The following DLEC1 variants were observed in gnomAD, a reference collection of about 807,000 sequenced individuals.
The protein encoded by DLEC1 is DLEC1 cilia and flagella associated protein.
DLEC1 carries 146 observed loss-of-function variants against 198.1 expected under a neutral mutation model. The ratio of observed to expected loss-of-function variants is 0.74; its 90% CI spans 0.64 to 0.85. DLEC1 has a LOEUF of 0.85. Among genes scored for constraint, DLEC1 ranks in the 40% least tolerant of loss-of-function variants. The pLI is 0.00. For missense variants in DLEC1, 2,233 were observed against 2,220.0 expected (o/e 1.01, Z -0.12); for synonymous variants, 897 against 866.8 (o/e 1.03, Z -0.61).
chr3:38,109,882 G>A (rs925643934), intron 22 of DLEC1: 16 of 685,518 alleles, frequency 2.3e-5, no homozygotes, highest in East Asian at 1.9e-4. Context: ...CCAGCATGCC[G>A]CTGGCCAGGG....
intron 14 of DLEC1, 106 bp downstream of exon 14, chr3:38,096,052 C>A (rs1401153491): frequency 6.5e-6 from 9 of 1,377,408 alleles, no homozygotes; most frequent in Non-Finnish European, 8.2e-6. Context: ...GCAGCCTGGT[C>A]CCCGCAGGCT....
At chr3:38,093,881 A>G in intron 12 of DLEC1, 114 bp downstream of exon 12, 1 of 1,350,024 alleles carries the variant, frequency 7.4e-7, no homozygotes, top group Non-Finnish European at 1.0e-6. Context: ...TGGGCACAGA[A>G]TGGATATCCA....
chr3:38,093,513 G>C, intron 11 of DLEC1, 92 bp from the exon 12 acceptor site: 4 of 1,470,990 alleles, frequency 2.7e-6, no homozygotes, highest in Non-Finnish European at 3.7e-6. Flanking sequence ...AAGGCCAGCT[G>C]CATGTGGATG....
In DLEC1 at chr3:38,110,560, G is replaced by A. The variant is rs74739833; in HGVS notation, c.3443+279G>A. 5.9e-3 allele frequency among the ~76,000 whole-genome samples: 898 copies of A among 152,324 alleles called. 10 individuals carry two copies. The highest frequency in any genetic ancestry group is 0.02 in the African/African-American group (819 of 41,554). On this transcript the variant is annotated intron_variant, in intron 23 of 36. Transcript: ENST00000308059. ...TCTGATGGACCAGGCAGATGGGCCT[G>A]TAGTGAGGGAGAGGTTACTGTAGAC...
rs111707322 is a variant in DLEC1 at position 38,119,902 on chromosome 3, C to T, written c.4705-546C>T. ...ACCCCACCTCCAGACATGTGAAGGT[C>T]TGGGTGAGGCGCAAGAATTTATATT... is the stretch of plus-strand genomic sequence containing the variant. On this transcript the variant is annotated intron_variant, in intron 33 of 36. Coordinates refer to ENST00000308059, the MANE Select transcript of DLEC1 (RefSeq NM_007335.4). Among the ~76,000 whole-genome samples the T allele has an allele frequency of 2.6e-3, 392 of 152,308 alleles. 4 individuals are homozygous for T. The highest frequency in any genetic ancestry group is 8.1e-3 in the African/African-American group (335 of 41,552).
At chr3:38,099,708 C>T (rs1469253341) in intron 18 of DLEC1, among the ~76,000 whole-genome samples, 1 of 150,808 alleles carries the variant, frequency 6.6e-6, no homozygotes, top group Non-Finnish European at 1.5e-5. Context: ...CACTTTTCTT[C>T]CTGCTCTTTC....
Position 38,085,393 on chromosome 3 carries a change from GCCCACACA to G in DLEC1, c.1383_1390del (p.His462SerfsTer69). On this transcript the variant is annotated frameshift_variant, in exon 8 of 37. Transcript: ENST00000308059. LOFTEE classifies it high-confidence loss of function. The stretch of plus-strand genomic sequence containing the variant: ...TTTTATTTTAGTGGAGACCCAGTCA[GCCCACACA>G]CTTCTGATCCCCCTGCAGGCCCGGA... 6.2e-7 allele frequency: 1 copy of G among 1,614,110 alleles called. No individual in the cohort carries two copies. The highest frequency in any genetic ancestry group is 8.5e-7 in the Non-Finnish European group (1 of 1,179,994).
chr3:38,090,510 T>C (rs1698688145), intron 10 of DLEC1, among the ~76,000 whole-genome samples: 1 of 152,256 alleles, frequency 6.6e-6, no homozygotes, highest in Admixed American at 6.5e-5. Flanking sequence ...GACCATAATT[T>C]AGTTCAGCAG....
chr3:38,080,039 C>T (rs1697880696), intron 6 of DLEC1, among the ~76,000 whole-genome samples: 1 of 152,160 alleles, frequency 6.6e-6, no homozygotes, highest in South Asian at 2.1e-4. Context: ...TGTAAAGCGT[C>T]TCAGGGTTGC....
rs371045613 is a variant in DLEC1, at chr3:38,116,968, A to G, written c.4180-7A>G. ...GGACAGTGCTAAGGCTGCTGTGTCT[A>G]TGCCAGGTGGTCCCTGCTGGGGGCA... On this transcript the variant is annotated splice_region_variant and splice_polypyrimidine_tract_variant and intron_variant, in intron 29 of 36. Transcript: ENST00000308059. 1.2e-6 allele frequency: 2 copies of G among 1,613,710 alleles called. No homozygotes were observed. The highest frequency in any genetic ancestry group is 1.7e-6 in the Non-Finnish European group (2 of 1,179,918).
rs1474413452 is a variant in DLEC1 at position 38,063,921 on chromosome 3, T to C, written c.1173+2T>C. The C allele has an allele frequency of 4.4e-6, 7 of 1,607,848 alleles. No homozygotes were observed. Among genetic ancestry groups the C allele is most frequent in the South Asian group, 1.1e-5 (1 of 90,608 alleles). ...TATGAAATTGGTCCAGTTTATGAGG[T>C]AGACATCTTGTTTCTTTACAGCTCC... is the stretch of plus-strand genomic sequence containing the variant. On this transcript the variant is annotated splice_donor_variant, in intron 6 of 36. Transcript: ENST00000308059. LOFTEE classifies it high-confidence loss of function.
intron 6 of DLEC1, among the ~76,000 whole-genome samples, chr3:38,074,705 T>C (rs571092432): frequency 6.6e-6 from 1 of 152,264 alleles, no homozygotes; most frequent in Non-Finnish European, 1.5e-5. Context: ...GTTATCAGCA[T>C]GAGATTGGGC....
At chr3:38,080,402 ACAGG>A (rs1365690266) in intron 6 of DLEC1, among the ~76,000 whole-genome samples, 2 of 152,124 alleles carry the variant, frequency 1.3e-5, no homozygotes, top group African/African-American at 4.8e-5. Context: ...GACTGAGGGG[ACAGG>A]CGGGAGGGAA....
chr3:38,061,967 A>G (rs1696710076), intron 3 of DLEC1, among the ~76,000 whole-genome samples: 1 of 152,226 alleles, frequency 6.6e-6, no homozygotes, highest in Admixed American at 6.5e-5. Context: ...GTGAGCCACC[A>G]CACATGGCCA....
intron 19 of DLEC1, among the ~76,000 whole-genome samples, chr3:38,102,563 A>T (rs1440333735): frequency 6.6e-6 from 1 of 152,176 alleles, no homozygotes; most frequent in Non-Finnish European, 1.5e-5. Flanking sequence ...TTGCCTGTCC[A>T]GTCCTGTTTT....
chr3:38,084,389 GGTA>G (rs74704301), intron 7 of DLEC1, 144 bp downstream of exon 7: 135,567 of 518,428 alleles, frequency 0.26, 20,158 homozygotes, highest in East Asian at 0.48. Flanking sequence ...TGGTAGTAGT[GGTA>G]GTAGTAGTAG....
chr3:38,057,168 A>G (rs138895535), intron 2 of DLEC1, among the ~76,000 whole-genome samples: 1 of 152,222 alleles, frequency 6.6e-6, no homozygotes, highest in Non-Finnish European at 1.5e-5. Context: ...ATCATATGCT[A>G]AAAAGCAGTA....
rs2125755935 is a variant in DLEC1 at position 38,121,723 on chromosome 3, C to T, written c.4962C>T (p.Val1654=). The change falls in exon 35 of 37, where the codon GTC becomes GTT. Residue 1654 remains valine, a synonymous_variant. Transcript: ENST00000308059. ...CCTGCTTTGTGAGCCAGCAGCGAGTCCGGGAGGTCTACCTGATGAACCTGA... is the reference window on the plus strand; with the variant it reads ...CCTGCTTTGTGAGCCAGCAGCGAGTTCGGGAGGTCTACCTGATGAACCTGA... ...FGTCFVSQQR[V]REVYLMNLSG... is the part of the protein sequence containing the mutation. 6.2e-7 allele frequency: 1 copy of T among 1,614,070 alleles called. No individual in the cohort carries two copies.
chr3:38,087,213 C>T (rs1648294373), intron 9 of DLEC1, among the ~76,000 whole-genome samples: 1 of 152,218 alleles, frequency 6.6e-6, no homozygotes, highest in Non-Finnish European at 1.5e-5. Flanking sequence ...TGTACCTTGT[C>T]CTGAGTGCCC....
Sources: allele counts gnomAD v4.1 joint callset (sites outside exome capture counted in the v4.1 genomes callset), GRCh38; gene constraint gnomAD v4.1.1; transcripts MANE v1.5; gene names NCBI Gene and HGNC (gene_info 2026-07-23, HGNC 2026-07-21).